The following SIK3 variants were observed in gnomAD, a reference collection of about 807,000 sequenced individuals.
The protein encoded by SIK3 is serine/threonine-protein kinase SIK3.
SIK3 carries 28 observed loss-of-function variants against 144.2 expected under a neutral mutation model. That is an observed-to-expected ratio of 0.19 (90% CI 0.14 to 0.27). SIK3 has a LOEUF of 0.27. Ranked by LOEUF, SIK3 falls within the 10% of genes least tolerant of loss-of-function variation. The pLI, the probability that SIK3 is intolerant of heterozygous loss-of-function variation, is 1.00. For synonymous variants in SIK3, 686 were observed against 676.3 expected (o/e 1.01, Z -0.22); for missense variants, 1,319 against 1,776.0 (o/e 0.74, Z 4.62).
At chr11:116,908,072 AAAGG>A (rs1330433979) in intron 4 of SIK3, among the ~76,000 whole-genome samples, 1 of 152,182 alleles carries the variant, frequency 6.6e-6, no homozygotes, top group Non-Finnish European at 1.5e-5. Flanking sequence ...TGCTAATCAT[AAAGG>A]GAAAAGTGGT....
chr11:117,000,453 C>T (rs1950810470), intron 1 of SIK3, among the ~76,000 whole-genome samples: 1 of 152,020 alleles, frequency 6.6e-6, no homozygotes, highest in Admixed American at 6.6e-5. Context: ...ATCTTAAGTG[C>T]CTTTTAATGC....
chr11:117,033,056 C>T (rs959232048), intron 1 of SIK3, among the ~76,000 whole-genome samples: 3 of 152,176 alleles, frequency 2.0e-5, no homozygotes, highest in African/African-American at 7.2e-5. Context: ...TAAAATAAGG[C>T]TTCTCCTGCC....
rs570096219 is a variant in SIK3, at chr11:116,948,059, C to G, written c.454+5985G>C. The stretch of plus-strand genomic sequence containing the variant: ...AGGTGATCCTCCCACTTCAGCCTCT[C>G]GAGTAGCTGGGACTACAGGTGTGCA... On this transcript the variant is annotated intron_variant, in intron 3 of 24. Coordinates refer to ENST00000445177, the MANE Select transcript of SIK3 (RefSeq NM_001366686.3). Among the ~76,000 whole-genome samples the G allele has an allele frequency of 8.4e-4, 127 of 151,492 alleles. 1 individual carries two copies. Among genetic ancestry groups the G allele is most frequent in the African/African-American group, 3.0e-3 (124 of 41,252 alleles).
chr11:116,928,552 C>T (rs1348386503), intron 3 of SIK3, among the ~76,000 whole-genome samples: 1 of 152,174 alleles, frequency 6.6e-6, no homozygotes, highest in African/African-American at 2.4e-5. Flanking sequence ...CAGGACCAGT[C>T]AGGTGTATCT....
chr11:117,083,776 C>A (rs1954890232), intron 1 of SIK3, among the ~76,000 whole-genome samples: 1 of 152,176 alleles, frequency 6.6e-6, no homozygotes, highest in South Asian at 2.1e-4. Context: ...CTGTTTCTTG[C>A]AGCATATGAA....
At chr11:117,013,915 G>GGGGGGGTGT (rs1206309055) in intron 1 of SIK3, among the ~76,000 whole-genome samples, 6 of 23,618 alleles carry the variant, frequency 2.5e-4, no homozygotes, top group East Asian at 1.2e-3. Context: ...GGGGGGGGAG[G>GGGGGGGTGT]GTGTGTGTGT....
In SIK3 at chr11:116,875,255, G is replaced by A; in HGVS notation, c.1330C>T (p.Leu444=). 6.2e-7 allele frequency: 1 copy of A among 1,614,152 alleles called. No homozygotes were observed. The highest frequency in any genetic ancestry group is 1.1e-5 in the South Asian group (1 of 91,072). Residue 444 remains leucine (L), a synonymous_variant, in exon 11 of 25, where the codon CTG becomes TTG. Coordinates refer to ENST00000445177, the MANE Select transcript of SIK3 (RefSeq NM_001366686.3). ...TCACCCTCATCACTGTCCAAATTCA[G>A]TGTCCCATCCGGCTGAGGTGGAGGG... ...ENQIVEPDGT[L]NLDSDEGEEP...
chr11:116,935,679 T>G (rs1227519773), intron 3 of SIK3, among the ~76,000 whole-genome samples: 2 of 152,198 alleles, frequency 1.3e-5, no homozygotes, highest in African/African-American at 4.8e-5. Flanking sequence ...TTGCTAATCC[T>G]GTAACAGAGG....
At chr11:116,927,753 T>C (rs1947354804) in intron 3 of SIK3, among the ~76,000 whole-genome samples, 1 of 152,146 alleles carries the variant, frequency 6.6e-6, no homozygotes, top group Admixed American at 6.5e-5. Context: ...ATCAGAAATA[T>C]TTCCTGTGTT....
At chr11:116,990,650 C>T (rs1950473480) in intron 1 of SIK3, among the ~76,000 whole-genome samples, 1 of 152,200 alleles carries the variant, frequency 6.6e-6, no homozygotes, top group South Asian at 2.1e-4. Context: ...TTCGTACCTC[C>T]AGGCTTCGTA....
At chr11:116,991,638 G>T (rs952998733) in intron 1 of SIK3, among the ~76,000 whole-genome samples, 1 of 152,066 alleles carries the variant, frequency 6.6e-6, no homozygotes, top group African/African-American at 2.4e-5. Context: ...TGATCTAAAA[G>T]GTCTAACCAA....
rs202058609 is a variant in SIK3 at position 116,922,907 on chromosome 11, C to CTT, written c.616+4310_616+4311dup. ...CGACTAATTTCTCCTTTTCTTTTCT[C>CTT]TTTTTTTTTTTTTTTTTTTTTTTTT... On this transcript the variant is annotated intron_variant, in intron 4 of 24. Transcript: ENST00000445177. Among the ~76,000 whole-genome samples the CTT allele has an allele frequency of 1.4e-3, 146 of 102,168 alleles. 3 individuals are homozygous for CTT. The highest frequency in any genetic ancestry group is 0.011 in the South Asian group (32 of 3,028). 67.0% of individuals were successfully genotyped at this position (102,168 alleles called of 152,430 possible).
In SIK3 at chr11:117,075,101, G is replaced by A. The variant is rs890738036; in HGVS notation, c.273+23042C>T. ...GTGTTAAAAGAGGAAATAAGTAGTA[G>A]ATATTTACATTTACTTCTATACACA... On this transcript the variant is annotated intron_variant, in intron 1 of 24. Coordinates refer to ENST00000445177, the MANE Select transcript of SIK3 (RefSeq NM_001366686.3). 1.2e-4 allele frequency among the ~76,000 whole-genome samples: 18 copies of A among 152,220 alleles called. No individual in the cohort carries two copies. In the South Asian group the frequency reaches 2.7e-3, roughly 23 times the overall value.
At chr11:117,089,309 A>T (rs1038999506) in intron 1 of SIK3, among the ~76,000 whole-genome samples, 7 of 151,800 alleles carry the variant, frequency 4.6e-5, no homozygotes, top group African/African-American at 1.5e-4. Context: ...CTGGAGGCTG[A>T]GACAGGAGAA....
intron 1 of SIK3, among the ~76,000 whole-genome samples, chr11:116,993,734 A>G (rs1408779422): frequency 1.3e-5 from 2 of 152,194 alleles, no homozygotes; most frequent in African/African-American, 4.8e-5. Context: ...CCAAACAGTA[A>G]AGAATGAGCG....
intron 1 of SIK3, among the ~76,000 whole-genome samples, chr11:117,085,522 A>G (rs1157076817): frequency 6.6e-6 from 1 of 152,218 alleles, no homozygotes; most frequent in African/African-American, 2.4e-5. Context: ...ATTCTGGGAT[A>G]TGCTTCAAAA....
intron 1 of SIK3, among the ~76,000 whole-genome samples, chr11:116,983,706 A>AT (rs1491106058): frequency 1.3e-5 from 2 of 151,766 alleles, no homozygotes; most frequent in East Asian, 3.9e-4. Flanking sequence ...GATACTTCAC[A>AT]TGTTTTAAAC....
rs528405922 is a variant in SIK3, at chr11:116,855,083, C to CAAAAAAAAAAAAAAAAAAA, written c.3655+2708_3655+2726dup. ...CATGGGTGACAGTGTGAGACTCTGC[C>CAAAAAAAAAAAAAAAAAAA]AAAAAAAAAAAAAAAAAAAAAAAAA... On this transcript the variant is annotated intron_variant, in intron 21 of 24. Coordinates refer to ENST00000445177, the MANE Select transcript of SIK3 (RefSeq NM_001366686.3). 7.3e-5 allele frequency among the ~76,000 whole-genome samples: 6 copies of CAAAAAAAAAAAAAAAAAAA among 82,090 alleles called. 1 individual carries two copies. The highest frequency in any genetic ancestry group is 2.9e-4 in the African/African-American group (4 of 13,894). 53.9% of individuals were successfully genotyped at this position (82,090 alleles called of 152,430 possible).
chr11:116,958,559 A>G (rs1949230736), intron 1 of SIK3, among the ~76,000 whole-genome samples: 1 of 152,242 alleles, frequency 6.6e-6, no homozygotes, highest in African/African-American at 2.4e-5. Flanking sequence ...TGGAAGTACA[A>G]GCAATGGAGC....
Sources: gnomAD v4.1 joint callset for allele counts (sites outside exome capture counted in the v4.1 genomes callset) on GRCh38, gnomAD v4.1.1 for gene constraint, MANE v1.5 for transcripts, NCBI Gene and HGNC (gene_info 2026-07-23, HGNC 2026-07-21) for gene names.